SRGAP1: variants seen among roughly 807,000 people sequenced by gnomAD.
SRGAP1 encodes SLIT-ROBO Rho GTPase activating protein 1, also known as SLIT-ROBO Rho GTPase-activating protein 1.
Under a neutral mutation model 121.9 loss-of-function variants are expected in SRGAP1, and 43 were observed. The ratio of observed to expected loss-of-function variants is 0.35; its 90% CI spans 0.28 to 0.46. SRGAP1 has a LOEUF of 0.46. Ranked by LOEUF, SRGAP1 falls within the 20% of genes least tolerant of loss-of-function variation. SRGAP1 has a pLI of 1.00. For missense variants in SRGAP1, 1,102 were observed against 1,350.9 expected (o/e 0.82, Z 2.89); for synonymous variants, 447 against 485.4 (o/e 0.92, Z 1.04).
chr12:63,856,252 C>CTAAATAAATAAA (rs79879818), intron 1 of SRGAP1, among the ~76,000 whole-genome samples: 51 of 146,392 alleles, frequency 3.5e-4, no homozygotes, highest in Admixed American at 2.3e-3. Context: ...AACTCCGTCT[C>CTAAATAAATAAA]TAAATAAATA....
intron 1 of SRGAP1, among the ~76,000 whole-genome samples, chr12:63,865,456 G>A (rs1175530112): frequency 1.3e-5 from 2 of 151,984 alleles, no homozygotes; most frequent in African/African-American, 2.4e-5. Context: ...GCGATAGAGC[G>A]AGATTCAGTC....
intron 21 of SRGAP1, among the ~76,000 whole-genome samples, chr12:64,128,733 C>G (rs2036739215): frequency 1.3e-5 from 2 of 152,104 alleles, no homozygotes; most frequent in African/African-American, 4.8e-5. Context: ...AAAGATGAGA[C>G]CTAATAAATA....
Position 64,073,156 on chromosome 12 carries a change from T to A in SRGAP1, c.1126-5763T>A, listed in dbSNP as rs1033318252. ...GTCAGAAGCTCGTGTTACTGTCTGTTGCGAGCATCCCATGGGATGATATGC... is the reference window on the plus strand; with the variant it reads ...GTCAGAAGCTCGTGTTACTGTCTGTAGCGAGCATCCCATGGGATGATATGC... On this transcript the variant is annotated intron_variant, in intron 8 of 21. Coordinates refer to ENST00000355086, the MANE Select transcript of SRGAP1 (RefSeq NM_020762.4). Among the ~76,000 whole-genome samples the A allele has an allele frequency of 2.0e-5, 3 of 152,320 alleles. No homozygotes were observed. In the East Asian group the frequency reaches 5.8e-4, roughly 29 times the overall value.
At chr12:64,079,725 C>T (rs529682123) in intron 9 of SRGAP1, among the ~76,000 whole-genome samples, 19 of 151,908 alleles carry the variant, frequency 1.3e-4, no homozygotes, top group African/African-American at 4.6e-4. Flanking sequence ...ACTTTAATAT[C>T]TATACATGTC....
In SRGAP1 at chr12:63,944,517, C is replaced by T. The variant is rs550331508; in HGVS notation, c.68-39430C>T. Among the ~76,000 whole-genome samples, 42 of 152,312 alleles carry T rather than the reference C, an allele frequency of 2.8e-4. 1 individual carries two copies. The South Asian group carries it at 8.7e-3, about 32-fold the overall frequency. On this transcript the variant is annotated intron_variant, in intron 1 of 21. Coordinates refer to ENST00000355086, the MANE Select transcript of SRGAP1 (RefSeq NM_020762.4). ...TATCACATTGGGCATTAAGATTTAA[C>T]CTGTAGATTTGGAGGGGGACACACA...
At chr12:63,882,716 G>T (rs1900236024) in intron 1 of SRGAP1, among the ~76,000 whole-genome samples, 2 of 152,082 alleles carry the variant, frequency 1.3e-5, no homozygotes, top group African/African-American at 4.8e-5. Context: ...GATATTTATT[G>T]AATTTATTTA....
At chr12:64,084,662 T>C (rs1299162464) in intron 10 of SRGAP1, among the ~76,000 whole-genome samples, 2 of 152,192 alleles carry the variant, frequency 1.3e-5, no homozygotes, top group Non-Finnish European at 2.9e-5. Flanking sequence ...TTTAATTTTT[T>C]ATCTCATACT....
chr12:64,002,503 C>T (rs1390421006), intron 3 of SRGAP1, among the ~76,000 whole-genome samples: 1 of 152,050 alleles, frequency 6.6e-6, no homozygotes, highest in African/African-American at 2.4e-5. Context: ...CCCTAGGAAC[C>T]AAAAAGTACT....
At chr12:64,057,655 C>A (rs528148995) in intron 6 of SRGAP1, among the ~76,000 whole-genome samples, 2 of 152,142 alleles carry the variant, frequency 1.3e-5, no homozygotes, top group East Asian at 3.9e-4. Context: ...TTAGAATGAC[C>A]AAAGCCAGGC....
Position 64,142,681 on chromosome 12 carries a change from C to G in SRGAP1, c.*9C>G, listed in dbSNP as rs368730104. 60 of 1,597,706 alleles carry G rather than the reference C, an allele frequency of 3.8e-5. No individual in the cohort carries two copies. The highest frequency in any genetic ancestry group is 5.0e-5 in the Non-Finnish European group (58 of 1,169,072). On this transcript the variant is annotated 3_prime_UTR_variant, in exon 22 of 22. Coordinates refer to ENST00000355086, the MANE Select transcript of SRGAP1 (RefSeq NM_020762.4). ...AGTCATGCACAATGTAAAAACCAGC[C>G]AAGCAAGGCCATAAAGGGAGGTGAC... is the stretch of plus-strand genomic sequence containing the variant.
intron 1 of SRGAP1, among the ~76,000 whole-genome samples, chr12:63,882,972 A>C (rs532445838): frequency 6.6e-6 from 1 of 152,122 alleles, no homozygotes; most frequent in Non-Finnish European, 1.5e-5. Context: ...TGGTCTCTGA[A>C]GCGTATGAGG....
intron 1 of SRGAP1, among the ~76,000 whole-genome samples, chr12:63,948,564 G>A (rs1048786904): frequency 2.6e-5 from 4 of 151,870 alleles, no homozygotes; most frequent in Non-Finnish European, 5.9e-5. Context: ...GACACTTAAT[G>A]TTATTTTTTC....
At chr12:63,928,752 C>G (rs1176837740) in intron 1 of SRGAP1, among the ~76,000 whole-genome samples, 1 of 151,918 alleles carries the variant, frequency 6.6e-6, no homozygotes, top group East Asian at 1.9e-4. Context: ...AGTGGGAGCC[C>G]CGAGCTTGTT....
At chr12:63,922,514 C>T (rs2031099829) in intron 1 of SRGAP1, among the ~76,000 whole-genome samples, 1 of 152,198 alleles carries the variant, frequency 6.6e-6, no homozygotes, top group Non-Finnish European at 1.5e-5. Context: ...TTCAAGTATT[C>T]AGACAGACAA....
rs10689107 is a variant in SRGAP1 at position 64,041,875 on chromosome 12, A to ATATTATTATTATTATTATTAT, written c.490-895_490-875dup. 6.6e-4 allele frequency among the ~76,000 whole-genome samples: 91 copies of ATATTATTATTATTATTATTAT among 138,616 alleles called. 1 individual carries two copies. Among genetic ancestry groups the ATATTATTATTATTATTATTAT allele is most frequent in the East Asian group, 1.9e-3 (9 of 4,770 alleles). The allele number at this position is 138,616 out of a possible 152,430, so 90.9% of individuals were successfully genotyped here. The stretch of plus-strand genomic sequence containing the variant: ...CTTTTTATTTTCTTTATTTTCTTTT[A>ATATTATTATTATTATTATTAT]TATTATTATTATTATTATTATTATT... On this transcript the variant is annotated intron_variant, in intron 4 of 21. Transcript: ENST00000355086.
At chr12:63,846,112 C>T (rs1288544716) in intron 1 of SRGAP1, among the ~76,000 whole-genome samples, 3 of 151,432 alleles carry the variant, frequency 2.0e-5, no homozygotes, top group African/African-American at 7.4e-5. Flanking sequence ...AGGAGGACCC[C>T]TATAATGGAG....
intron 16 of SRGAP1, among the ~76,000 whole-genome samples, chr12:64,109,445 T>C (rs931259363): frequency 2.6e-5 from 4 of 152,168 alleles, no homozygotes; most frequent in Admixed American, 6.5e-5. Flanking sequence ...AAATCATAGA[T>C]GGGAGCTGTA....
chr12:64,085,590 T>C (rs1166607463), intron 10 of SRGAP1, among the ~76,000 whole-genome samples: 1 of 152,170 alleles, frequency 6.6e-6, no homozygotes, highest in East Asian at 1.9e-4. Flanking sequence ...TGCCGAACAC[T>C]GCCATTAGGA....
At chr12:63,939,078 C>T (rs2031768543) in intron 1 of SRGAP1, among the ~76,000 whole-genome samples, 1 of 150,460 alleles carries the variant, frequency 6.6e-6, no homozygotes, top group Non-Finnish European at 1.5e-5. Context: ...CCACTTGAGT[C>T]CAGGAGATCA....
Sources: gnomAD v4.1 joint callset for allele counts (sites outside exome capture counted in the v4.1 genomes callset) on GRCh38, gnomAD v4.1.1 for gene constraint, MANE v1.5 for transcripts, NCBI Gene and HGNC (gene_info 2026-07-23, HGNC 2026-07-21) for gene names.